Variants in CTNND2 observed in about 807,000 individuals in gnomAD.
CTNND2 encodes catenin delta-2.
In CTNND2, 22 loss-of-function variants were observed where a neutral mutation model predicts 144.4. The observed-to-expected ratio is 0.15, with a 90% CI of 0.11 to 0.22. CTNND2 has a LOEUF of 0.22. CTNND2 is among the 10% of genes least tolerant of loss of function. CTNND2 has a pLI of 1.00. For missense variants in CTNND2, 1,353 were observed against 1,618.8 expected (o/e 0.84, Z 2.82); for synonymous variants, 751 against 695.6 (o/e 1.08, Z -1.25).
chr5:11,466,504 T>C (rs61757539), intron 3 of CTNND2, among the ~76,000 whole-genome samples: 12,459 of 152,200 alleles, frequency 0.082, 1,615 homozygotes, highest in African/African-American at 0.28. Flanking sequence ...CTATGATATA[T>C]AACAGAAGAA....
chr5:11,719,979 C>T (rs574549106), intron 2 of CTNND2, among the ~76,000 whole-genome samples: 1 of 151,954 alleles, frequency 6.6e-6, no homozygotes, highest in African/African-American at 2.4e-5. Context: ...AGGCAATGGA[C>T]GAAGCCAGTG....
At chr5:11,306,907 G>A (rs1158344915) in intron 9 of CTNND2, among the ~76,000 whole-genome samples, 1 of 152,148 alleles carries the variant, frequency 6.6e-6, no homozygotes, top group African/African-American at 2.4e-5. Flanking sequence ...ACCTCTGCTC[G>A]CACTGTGCTT....
At chr5:11,643,124 A>G (rs1175178994) in intron 2 of CTNND2, among the ~76,000 whole-genome samples, 2 of 152,210 alleles carry the variant, frequency 1.3e-5, no homozygotes, top group African/African-American at 2.4e-5. Flanking sequence ...TTCTATTTCA[A>G]ATTTAAAACA....
intron 2 of CTNND2, among the ~76,000 whole-genome samples, chr5:11,706,978 C>T (rs916988779): frequency 1.9e-4 from 28 of 150,420 alleles, no homozygotes; most frequent in Admixed American, 6.7e-4. Context: ...CCCAGCTACT[C>T]GGGAGGCTGA....
At chr5:11,893,083 G>A (rs989559376) in intron 1 of CTNND2, among the ~76,000 whole-genome samples, 1 of 152,198 alleles carries the variant, frequency 6.6e-6, no homozygotes, top group Non-Finnish European at 1.5e-5. Flanking sequence ...CTGCACTACT[G>A]TAAAATGCAT....
intron 2 of CTNND2, among the ~76,000 whole-genome samples, chr5:11,712,544 A>C (rs1187622087): frequency 6.6e-6 from 1 of 152,214 alleles, no homozygotes; most frequent in East Asian, 1.9e-4. Flanking sequence ...TTAAAATAAA[A>C]ATAATTTTAT....
chr5:11,847,931 T>C (rs532957507), intron 1 of CTNND2, among the ~76,000 whole-genome samples: 16 of 152,182 alleles, frequency 1.1e-4, no homozygotes, highest in African/African-American at 3.6e-4. Flanking sequence ...AGAAAAATCT[T>C]TCAATAACAA....
chr5:10,989,136 G>A (rs1205805592), intron 19 of CTNND2, among the ~76,000 whole-genome samples: 1 of 152,234 alleles, frequency 6.6e-6, no homozygotes, highest in Non-Finnish European at 1.5e-5. Context: ...ATGAGTGACT[G>A]AATGGATTGG....
chr5:11,406,186 A>T (rs1761092334), intron 5 of CTNND2, among the ~76,000 whole-genome samples: 1 of 152,168 alleles, frequency 6.6e-6, no homozygotes, highest in Admixed American at 6.5e-5. Flanking sequence ...CAAAGAGCAT[A>T]TGATAAAGTG....
chr5:11,522,925 T>C lies in CTNND2; in HGVS notation c.287+42019A>G, dbSNP rs557925660. 2.4e-3 allele frequency among the ~76,000 whole-genome samples: 365 copies of C among 152,314 alleles called. 2 individuals are homozygous for C. Among genetic ancestry groups the C allele is most frequent in the African/African-American group, 8.4e-3 (348 of 41,566 alleles). ...AAGCACCCATGCGTTTGAATTACTG[T>C]TAAAGTCAAGTTGCTGTGTGAAAAC... On this transcript the variant is annotated intron_variant, in intron 3 of 21. Transcript: ENST00000304623.
chr5:11,316,908 G>A (rs1212937333), intron 9 of CTNND2, among the ~76,000 whole-genome samples: 1 of 152,018 alleles, frequency 6.6e-6, no homozygotes, highest in Non-Finnish European at 1.5e-5. Flanking sequence ...CATTTGGGTT[G>A]GTTCCAAGTC....
rs13357100 is a variant in CTNND2, at chr5:11,349,361, T to C, written c.1373-2734A>G. Among the ~76,000 whole-genome samples, 672 of 152,250 alleles carry C rather than the reference T, an allele frequency of 4.4e-3. 4 individuals carry two copies. Among genetic ancestry groups the C allele is most frequent in the African/African-American group, 0.016 (649 of 41,532 alleles). ...TAAGTGCTTTATTTGTATAAATTCATGTTTTCTCCAACAGTCCTATAAGAG... is the reference window on the plus strand; with the variant it reads ...TAAGTGCTTTATTTGTATAAATTCACGTTTTCTCCAACAGTCCTATAAGAG... On this transcript the variant is annotated intron_variant, in intron 8 of 21. Coordinates refer to ENST00000304623, the MANE Select transcript of CTNND2 (RefSeq NM_001332.4).
At chr5:11,287,313 C>T (rs1222602742) in intron 9 of CTNND2, among the ~76,000 whole-genome samples, 1 of 152,182 alleles carries the variant, frequency 6.6e-6, no homozygotes, top group East Asian at 1.9e-4. Flanking sequence ...AAAAGACTGC[C>T]CACCTTAGAA....
At chr5:11,262,635 A>G (rs541616691) in intron 9 of CTNND2, among the ~76,000 whole-genome samples, 28 of 151,420 alleles carry the variant, frequency 1.8e-4, no homozygotes, top group African/African-American at 5.3e-4. Context: ...GGTGGCGGGC[A>G]CCTGTAGTCC....
At chr5:11,295,155 T>G (rs1318782213) in intron 9 of CTNND2, among the ~76,000 whole-genome samples, 2 of 152,130 alleles carry the variant, frequency 1.3e-5, no homozygotes, top group African/African-American at 2.4e-5. Context: ...AAAATCAATG[T>G]GCAAAAATCA....
chr5:11,606,458 C>T lies in CTNND2; in HGVS notation c.175-41402G>A, dbSNP rs189477992. Among the ~76,000 whole-genome samples the T allele has an allele frequency of 5.9e-5, 9 of 151,888 alleles. No individual in the cohort carries two copies. The East Asian group carries it at 1.6e-3, about 27-fold the overall frequency. ...GGGAAAGAGACACATTGGGATGGCT[C>T]GGCTCTTTGGACAGAGTTTGAGGGA... On this transcript the variant is annotated intron_variant, in intron 2 of 21. Transcript: ENST00000304623.
chr5:11,360,523 C>T (rs1481707720), intron 8 of CTNND2, among the ~76,000 whole-genome samples: 1 of 152,084 alleles, frequency 6.6e-6, no homozygotes, highest in Non-Finnish European at 1.5e-5. Context: ...GTAGAGCGTA[C>T]AGCTGTAGCA....
chr5:11,292,770 T>C (rs1467758472), intron 9 of CTNND2, among the ~76,000 whole-genome samples: 1 of 152,074 alleles, frequency 6.6e-6, no homozygotes, highest in Non-Finnish European at 1.5e-5. Context: ...AATACACACA[T>C]ACTCAGGGAG....
At chr5:11,083,962 G>A (rs1256737465) in intron 15 of CTNND2, 1 of 1,098,592 alleles carries the variant, frequency 9.1e-7, no homozygotes, top group South Asian at 2.0e-5. Context: ...AGCCCTGCAT[G>A]AAATATGAAA....
Sources: allele counts gnomAD v4.1 joint callset (sites outside exome capture counted in the v4.1 genomes callset), GRCh38; gene constraint gnomAD v4.1.1; transcripts MANE v1.5; gene names NCBI Gene and HGNC (gene_info 2026-07-23, HGNC 2026-07-21).